DIPK1B: variants seen among roughly 807,000 people sequenced by gnomAD.
DIPK1B encodes divergent protein kinase domain 1B.
A neutral mutation model predicts 20.7 loss-of-function variants in DIPK1B; 17 were observed. The observed-to-expected ratio is 0.82, with a 90% CI of 0.56 to 1.23. The LOEUF (loss-of-function observed/expected upper bound fraction) is 1.23, where lower values mean the gene tolerates loss of function less well. Among genes scored for constraint, DIPK1B ranks in the 50% most tolerant of loss-of-function variants. DIPK1B has a pLI of 0.00. For synonymous variants in DIPK1B, 343 were observed against 276.5 expected (o/e 1.24, Z -2.39); for missense variants, 648 against 601.8 (o/e 1.08, Z -0.80).
intron 3 of DIPK1B, 29 bp downstream of exon 3, chr9:136,722,057 T>C (rs1244728361): frequency 1.2e-6 from 2 of 1,611,532 alleles, no homozygotes; most frequent in East Asian, 2.2e-5. Context: ...CGGGTGGGCC[T>C]GGGGCTGATA....
chr9:136,717,448 G>C, intron 1 of DIPK1B, 129 bp from the exon 2 acceptor site: 1 of 1,092,116 alleles, frequency 9.2e-7, no homozygotes, highest in Non-Finnish European at 1.3e-6. Flanking sequence ...GGGGGTGCCA[G>C]GGGGCCAAGG....
intron 1 of DIPK1B, among the ~76,000 whole-genome samples, chr9:136,715,094 G>C (rs1846478326): frequency 1.3e-5 from 2 of 152,214 alleles, no homozygotes; most frequent in Non-Finnish European, 1.5e-5. Flanking sequence ...GATGTGCCCA[G>C]GGCAGCCTCT....
rs941082974 is a variant in DIPK1B, at chr9:136,723,090, C to A, written c.612C>A (p.Asn204Lys). 12 of 1,613,494 alleles carry A rather than the reference C, an allele frequency of 7.4e-6. No individual in the cohort carries two copies. The highest frequency in any genetic ancestry group is 4.0e-5 in the African/African-American group (3 of 74,948). ...AKSVWALLQR[N>K]EFLLLLSLQE... ...CCGTGTGGGCCCTGCTGCAGCGTAA[C>A]GAGTTCCTGCTGCTGCTGTCCCTGC... Residue 204 changes from asparagine (N) to lysine (K), a missense_variant, in exon 5 of 5, where the codon AAC becomes AAA. Physicochemically the swap from Asn to Lys is moderately conservative, Grantham distance 94 (BLOSUM62 0). Transcript: ENST00000371692.
Position 136,721,951 on chromosome 9 carries a change from G to A in DIPK1B, c.229G>A (p.Gly77Ser), listed in dbSNP as rs760157727. ...CDQYRKGIIS[G>S]SVCQDLCELH... ...CCAGTACCGCAAGGGGATCATCTCG[G>A]GCTCCGTCTGCCAGGACCTGTGTGA... Residue 77 changes from glycine to serine, a missense_variant, in exon 3 of 5, where the codon GGC (glycine) becomes AGC (serine). Transcript: ENST00000371692. The A allele has an allele frequency of 6.2e-7, 1 of 1,613,674 alleles. No homozygotes were observed.
chr9:136,716,737 G>A (rs540035791), intron 1 of DIPK1B, among the ~76,000 whole-genome samples: 11 of 152,212 alleles, frequency 7.2e-5, no homozygotes, highest in Admixed American at 2.0e-4. Flanking sequence ...ATGTGGCTGC[G>A]TTGGGCTCCT....
Position 136,712,720 on chromosome 9 carries a change from C to A in DIPK1B, c.55C>A (p.Arg19Ser). Residue 19 changes from arginine to serine, a missense_variant, in exon 1 of 5, where the codon CGC becomes AGC. Coordinates refer to ENST00000371692, the MANE Select transcript of DIPK1B (RefSeq NM_152421.4). This position sits in a 1 kb window ranked among gnomAD's most constrained non-coding sequence, Gnocchi z 5.6. ...GGTGCTCTTCTGCCCCTTCTCCAAG[C>A]GCCTGCAGGTAAGCGCGGTGCGCGC... ...HLVLFCPFSKRLQGRLPGLRV... is the reference protein window; with the variant it reads ...HLVLFCPFSKSLQGRLPGLRV... The A allele has an allele frequency of 4.4e-6, 6 of 1,360,434 alleles. No individual in the cohort carries two copies. Among genetic ancestry groups the A allele is most frequent in the South Asian group, 1.7e-5 (1 of 58,072 alleles). 84.3% of individuals were successfully genotyped at this position (1,360,434 alleles called of 1,614,324 possible).
At chr9:136,715,769 C>T (rs1402160571) in intron 1 of DIPK1B, among the ~76,000 whole-genome samples, 1 of 152,170 alleles carries the variant, frequency 6.6e-6, no homozygotes, top group Non-Finnish European at 1.5e-5. Context: ...CTGCCTCGGC[C>T]TCCCAAAGTT....
rs1406311777 is a variant in DIPK1B at position 136,722,123 on chromosome 9, A to G, written c.307-2A>G. ...ACGGAGGACCTCTGTGGCCCTGTCC[A>G]GGTGTACAGCGGGCTCTGGCGGGAC... is the stretch of plus-strand genomic sequence containing the variant. On this transcript the variant is annotated splice_acceptor_variant, in intron 3 of 4. Transcript: ENST00000371692. LOFTEE classifies it high-confidence loss of function. 1 of 1,613,870 alleles carries G rather than the reference A, an allele frequency of 6.2e-7. No individual in the cohort carries two copies. The highest frequency in any genetic ancestry group is 8.5e-7 in the Non-Finnish European group (1 of 1,179,942).
In DIPK1B at chr9:136,722,208, T is replaced by C. The variant is rs1846616578; in HGVS notation, c.390T>C (p.Asp130=). 4 of 1,613,984 alleles carry C rather than the reference T, an allele frequency of 2.5e-6. No homozygotes were observed. Among genetic ancestry groups the C allele is most frequent in the Non-Finnish European group, 3.4e-6 (4 of 1,179,994 alleles). ...EETLDSKARS[D]AAPRRELVLF... ...CCCTCGACTCCAAGGCCCGGTCGGA[T>C]GCGGCCCCCCGGCGGGAGCTGGTAC... The change falls in exon 4 of 5, where the codon GAT becomes GAC. Residue 130 remains aspartate (D), a synonymous_variant. Transcript: ENST00000371692.
intron 2 of DIPK1B, chr9:136,721,076 C>G (rs1240604113): frequency 6.6e-6 from 1 of 152,344 alleles, no homozygotes; most frequent in Non-Finnish European, 1.5e-5. Context: ...TGCAGAATGG[C>G]TGGCAGCCCG....
chr9:136,722,767 A>C, intron 4 of DIPK1B, 195 bp from the exon 5 acceptor site: 1 of 636,448 alleles, frequency 1.6e-6, no homozygotes, highest in South Asian at 2.0e-5. Context: ...CAGCAGCCAC[A>C]CAGGCCAGCA....
chr9:136,723,222 G>C lies in DIPK1B; in HGVS notation c.744G>C (p.Leu248Phe). The change falls in exon 5 of 5, where the codon TTG becomes TTC. Residue 248 changes from leucine (L) to phenylalanine (F), a missense_variant. Transcript: ENST00000371692. ...ACGCGGCCGCCCTTCCACCCCTGTTGCGCCCACTGCTGCCGCCTGCCCTGC... is the reference window on the plus strand; with the variant it reads ...ACGCGGCCGCCCTTCCACCCCTGTTCCGCCCACTGCTGCCGCCTGCCCTGC... ...AWHAAALPPL[L>F]RPLLPPALQG... 1 of 1,612,192 alleles carries C rather than the reference G, an allele frequency of 6.2e-7. No individual in the cohort carries two copies. The highest frequency in any genetic ancestry group is 8.5e-7 in the Non-Finnish European group (1 of 1,179,646).
chr9:136,712,821 C>T lies in DIPK1B; in HGVS notation c.63+93C>T, dbSNP rs1322551356. On this transcript the variant is annotated intron_variant, in intron 1 of 4. Coordinates refer to ENST00000371692, the MANE Select transcript of DIPK1B (RefSeq NM_152421.4). This position sits in a 1 kb window ranked among gnomAD's most constrained non-coding sequence, Gnocchi z 5.6. Reference sequence around the variant, plus strand: ...GTGGGCCGAGTACGGAGCGGGGCCCCGGGTTCGGACACGAAGGGTTCATGA... The same window carrying T: ...GTGGGCCGAGTACGGAGCGGGGCCCTGGGTTCGGACACGAAGGGTTCATGA... The T allele has an allele frequency of 4.5e-6, 4 of 895,428 alleles. No individual in the cohort carries two copies. The highest frequency in any genetic ancestry group is 5.8e-6 in the Non-Finnish European group (4 of 687,032). The allele number at this position is 895,428 out of a possible 1,614,324, so 55.5% of individuals were successfully genotyped here. A position where few individuals can be genotyped will look rare whatever the true frequency, so the allele number is the denominator to read the frequency against.
At chr9:136,714,671 A>T (rs1002729026) in intron 1 of DIPK1B, among the ~76,000 whole-genome samples, 2 of 152,232 alleles carry the variant, frequency 1.3e-5, no homozygotes, top group Non-Finnish European at 2.9e-5. Flanking sequence ...GTCTGCCGGA[A>T]ACAGATTCAG....
At position 136,723,738 on chromosome 9, in the gene DIPK1B, G is replaced by T. The variant is rs34080313; in HGVS notation, c.1260G>T (p.Leu420=). The change falls in exon 5 of 5, where the codon CTG becomes CTT. Residue 420 remains leucine (L), a synonymous_variant. Transcript: ENST00000371692. ...TGGTGCTCAGCCACCTCAAGACTCT[G>T]CTCTGGAAGAAGATCTCCAACACCA... is the stretch of plus-strand genomic sequence containing the variant. ...HSLVLSHLKT[L]LWKKISNTKY... 3 of 1,535,168 alleles carry T rather than the reference G, an allele frequency of 2.0e-6. No homozygotes were observed. The highest frequency in any genetic ancestry group is 2.6e-6 in the Non-Finnish European group (3 of 1,146,910).
At chr9:136,717,153 C>T (rs752413248) in intron 1 of DIPK1B, among the ~76,000 whole-genome samples, 3 of 151,540 alleles carry the variant, frequency 2.0e-5, no homozygotes, top group Admixed American at 1.3e-4. Flanking sequence ...CACTTGAACC[C>T]GGGAGGCAGA....
At chr9:136,718,429 G>C (rs948921671) in intron 2 of DIPK1B, among the ~76,000 whole-genome samples, 5 of 152,304 alleles carry the variant, frequency 3.3e-5, no homozygotes, top group African/African-American at 1.2e-4. Flanking sequence ...GCATGTGTGT[G>C]TCTGGGAGCA....
At chr9:136,722,885 G>A in intron 4 of DIPK1B, 77 bp from the exon 5 acceptor site, 2 of 1,421,864 alleles carry the variant, frequency 1.4e-6, no homozygotes, top group Non-Finnish European at 1.9e-6. Flanking sequence ...CCCGCCAGGA[G>A]GACCAGGTAA....
chr9:136,714,536 T>C (rs1055142276), intron 1 of DIPK1B, among the ~76,000 whole-genome samples: 1 of 152,192 alleles, frequency 6.6e-6, no homozygotes, highest in Non-Finnish European at 1.5e-5. Context: ...CCGCCCATGC[T>C]GGGCCTCCCT....
Sources: allele counts gnomAD v4.1 joint callset (sites outside exome capture counted in the v4.1 genomes callset), GRCh38; gene constraint gnomAD v4.1.1; non-coding constraint Gnocchi (gnomAD v3.1); transcripts MANE v1.5; gene names NCBI Gene and HGNC (gene_info 2026-07-23, HGNC 2026-07-21).